Variants in CLIP1 observed in about 807,000 individuals in gnomAD.
CLIP1 encodes CAP-Gly domain containing linker protein 1, also known as CAP-Gly domain-containing linker protein 1.
A neutral mutation model predicts 161.6 loss-of-function variants in CLIP1; 66 were observed. The observed-to-expected ratio is 0.41, with a 90% CI of 0.33 to 0.50. CLIP1 has a LOEUF of 0.50. CLIP1 is among the 20% of genes least tolerant of loss of function. The probability of loss-of-function intolerance (pLI) is 0.27; values close to 1 mark genes in which losing one functional copy is unlikely to be tolerated. For synonymous variants in CLIP1, 598 were observed against 626.2 expected (o/e 0.96, Z 0.67); for missense variants, 1,376 against 1,702.0 (o/e 0.81, Z 3.37).
At chr12:122,286,270 A>T (rs1955847171) in intron 21 of CLIP1, among the ~76,000 whole-genome samples, 1 of 151,854 alleles carries the variant, frequency 6.6e-6, no homozygotes, top group South Asian at 2.1e-4. Context: ...TGTAATCCCA[A>T]CACTTTGGGA....
Position 122,271,564 on chromosome 12 carries a change from T to C in CLIP1, c.*1311A>G, listed in dbSNP as rs374920644. 19 of 152,786 alleles carry C rather than the reference T, an allele frequency of 1.2e-4. 1 individual carries two copies. In the South Asian group the frequency reaches 2.7e-3, roughly 22 times the overall value. The allele number at this position is 152,786 out of a possible 1,614,324, so 9.5% of individuals were successfully genotyped here. Reference sequence around the variant, plus strand: ...ACCAAAAATTTCAACTGGTACCAGATTGAATATTCACTGTCGAACACACAG... The same window carrying C: ...ACCAAAAATTTCAACTGGTACCAGACTGAATATTCACTGTCGAACACACAG... On this transcript the variant is annotated 3_prime_UTR_variant, in exon 26 of 26. Transcript: ENST00000620786.
chr12:122,322,945 G>T (rs1049397585), intron 17 of CLIP1: 2 of 152,660 alleles, frequency 1.3e-5, no homozygotes, highest in African/African-American at 4.8e-5. Context: ...GCATCAAAGA[G>T]AGGTCGCACT....
chr12:122,406,457 G>A (rs968741234), intron 1 of CLIP1, among the ~76,000 whole-genome samples: 2 of 152,154 alleles, frequency 1.3e-5, no homozygotes, highest in Non-Finnish European at 2.9e-5. Context: ...AATTCAAAAG[G>A]AGCTACAAGG....
intron 2 of CLIP1, among the ~76,000 whole-genome samples, chr12:122,379,485 G>A (rs566912389): frequency 5.3e-5 from 8 of 151,072 alleles, no homozygotes; most frequent in East Asian, 2.0e-4. Context: ...GTGGTGGAGC[G>A]CGCCTGTAAT....
intron 17 of CLIP1, among the ~76,000 whole-genome samples, chr12:122,325,473 AATTTATTT>A (rs551251197): frequency 4.6e-5 from 7 of 151,664 alleles, no homozygotes; most frequent in Admixed American, 1.3e-4. Flanking sequence ...AACAAATTTA[AATTTATTT>A]ATTTATTTAT....
In CLIP1 at chr12:122,334,698, T is replaced by G; in HGVS notation, c.2576A>C (p.Lys859Thr). Residue 859 changes from lysine to threonine, a missense_variant, in exon 13 of 26, where the codon AAG becomes ACG. Lys to Thr is a moderately conservative substitution (Grantham distance 78). Transcript: ENST00000620786. ...LEKELQILKE[K>T]FAEASEEAVS... The stretch of plus-strand genomic sequence containing the variant: ...TGCCTCCTCTGAAGCTTCAGCAAAC[T>G]TTTCTTTCTAAAGAAAAAGAATGAG... 1 of 1,573,310 alleles carries G rather than the reference T, an allele frequency of 6.4e-7. No homozygotes were observed. The highest frequency in any genetic ancestry group is 1.3e-5 in the African/African-American group (1 of 74,466).
At chr12:122,361,651 A>G (rs1953816999) in intron 4 of CLIP1, among the ~76,000 whole-genome samples, 1 of 152,150 alleles carries the variant, frequency 6.6e-6, no homozygotes, top group Non-Finnish European at 1.5e-5. Flanking sequence ...AGATCACTTG[A>G]GCCCAGGAGT....
In CLIP1 at chr12:122,271,619, A is replaced by T. The variant is rs2136169681; in HGVS notation, c.*1256T>A. The T allele has an allele frequency of 6.5e-6, 1 of 152,772 alleles. No individual in the cohort carries two copies. The highest frequency in any genetic ancestry group is 3.4e-3 in the Middle Eastern group (1 of 294). The allele number at this position is 152,772 out of a possible 1,614,324, so 9.5% of individuals were successfully genotyped here. ...TAATCTTGAGGGGAAAATACATCAA[A>T]GGCATATATACAATTATAGAAGTTC... On this transcript the variant is annotated 3_prime_UTR_variant, in exon 26 of 26. Transcript: ENST00000620786.
chr12:122,389,381 A>C (rs6488951), intron 1 of CLIP1, among the ~76,000 whole-genome samples: 1 of 152,066 alleles, frequency 6.6e-6, no homozygotes, highest in Non-Finnish European at 1.5e-5. Context: ...AAACCAGCTG[A>C]GGTATATCCA....
chr12:122,286,390 G>A (rs1592975880), intron 21 of CLIP1, among the ~76,000 whole-genome samples: 1 of 151,698 alleles, frequency 6.6e-6, no homozygotes, highest in Non-Finnish European at 1.5e-5. Context: ...GGTGGTGCAC[G>A]CCTGTAATAC....
intron 1 of CLIP1, among the ~76,000 whole-genome samples, chr12:122,408,057 G>A (rs552587409): frequency 4.9e-4 from 74 of 151,852 alleles, no homozygotes; most frequent in Non-Finnish European, 8.7e-4. Context: ...CTAACATGGC[G>A]AAACCCCATC....
chr12:122,394,782 G>A (rs1955842176), intron 1 of CLIP1, among the ~76,000 whole-genome samples: 1 of 151,160 alleles, frequency 6.6e-6, no homozygotes, highest in African/African-American at 2.4e-5. Context: ...GCTCCCAGGA[G>A]GCGGAGGTTG....
At chr12:122,294,485 G>A (rs1049611406) in intron 20 of CLIP1, among the ~76,000 whole-genome samples, 9 of 151,798 alleles carry the variant, frequency 5.9e-5, no homozygotes, top group African/African-American at 1.5e-4. Flanking sequence ...CAGAGTGACC[G>A]GGCACAGTGG....
At chr12:122,278,551 C>A in intron 23 of CLIP1, 1 of 523,020 alleles carries the variant, frequency 1.9e-6, no homozygotes. Context: ...ACCCCCCAGT[C>A]TGGATGGCAG....
At chr12:122,281,045 C>T (rs1182566588) in intron 21 of CLIP1, among the ~76,000 whole-genome samples, 6 of 152,174 alleles carry the variant, frequency 3.9e-5, no homozygotes, top group African/African-American at 4.8e-5. Context: ...CCAAGATATC[C>T]GGCACACAAG....
intron 1 of CLIP1, among the ~76,000 whole-genome samples, chr12:122,387,549 TATATATA>T (rs1955337807): frequency 5.0e-4 from 7 of 14,078 alleles, no homozygotes; most frequent in South Asian, 2.9e-3. Flanking sequence ...TGCCTTTTCA[TATATATA>T]TATATATATA....
chr12:122,277,352 G>GT (rs66999720), intron 24 of CLIP1: 1,517 of 141,066 alleles, frequency 0.011, 13 homozygotes, highest in Middle Eastern at 0.066. Flanking sequence ...TGTTTTTTTT[G>GT]TTTTTTTTTT....
At chr12:122,351,399 GAAC>G (rs1953029764) in intron 8 of CLIP1, among the ~76,000 whole-genome samples, 1 of 152,100 alleles carries the variant, frequency 6.6e-6, no homozygotes, top group Non-Finnish European at 1.5e-5. Context: ...AAATGGATGA[GAAC>G]AACACAAAAA....
intron 20 of CLIP1, among the ~76,000 whole-genome samples, chr12:122,291,409 C>T (rs1158992574): frequency 5.3e-5 from 8 of 152,030 alleles, no homozygotes; most frequent in Non-Finnish European, 1.2e-4. Context: ...AGGCTGGTCT[C>T]GAACTCCTGA....
Sources: gnomAD v4.1 joint callset for allele counts (sites outside exome capture counted in the v4.1 genomes callset) on GRCh38, gnomAD v4.1.1 for gene constraint, MANE v1.5 for transcripts, NCBI Gene and HGNC (gene_info 2026-07-23, HGNC 2026-07-21) for gene names.